The following ASTN2 variants were observed in gnomAD, a reference collection of about 807,000 sequenced individuals.
ASTN2 encodes the protein astrotactin 2, also known as astrotactin-2.
In ASTN2, 54 loss-of-function variants were observed where a neutral mutation model predicts 139.8. The observed-to-expected ratio is 0.39, with a 90% confidence interval of 0.31 to 0.48. The LOEUF is 0.48. Ranked by LOEUF, ASTN2 falls within the 20% of genes least tolerant of loss-of-function variation. The probability of loss-of-function intolerance (pLI) is 0.95; values close to 1 mark genes in which losing one functional copy is unlikely to be tolerated. For synonymous variants in ASTN2, 756 were observed against 719.5 expected (o/e 1.05, Z -0.81); for missense variants, 1,565 against 1,725.1 (o/e 0.91, Z 1.64).
rs1438670456 is a variant in ASTN2 at position 117,068,687 on chromosome 9, C to G, written c.1276+27357G>C. ...ATTGATTATTGCCACAATTTCAGCTCCTGTTATTGGTCTATTCAGAGATTC... is the reference window on the plus strand; with the variant it reads ...ATTGATTATTGCCACAATTTCAGCTGCTGTTATTGGTCTATTCAGAGATTC... On this transcript the variant is annotated intron_variant, in intron 5 of 22. Coordinates refer to ENST00000313400, the MANE Select transcript of ASTN2 (RefSeq NM_001365068.1). Among the ~76,000 whole-genome samples, 528 of 109,236 alleles carry G rather than the reference C, an allele frequency of 4.8e-3. 69 individuals are homozygous for G. Among genetic ancestry groups the G allele is most frequent in the African/African-American group, 0.019 (506 of 26,618 alleles). The allele number at this position is 109,236 out of a possible 152,430, so 71.7% of individuals were successfully genotyped here.
chr9:117,031,963 T>A (rs1392814632), intron 6 of ASTN2, among the ~76,000 whole-genome samples: 1 of 152,216 alleles, frequency 6.6e-6, no homozygotes, highest in African/African-American at 2.4e-5. Flanking sequence ...ATTTTCATTG[T>A]AAAAGATGGC....
intron 20 of ASTN2, among the ~76,000 whole-genome samples, chr9:116,465,970 AT>A (rs80222620): frequency 1.5e-5 from 1 of 68,690 alleles, no homozygotes; most frequent in Non-Finnish European, 3.3e-5. Flanking sequence ...TCCATACTTT[AT>A]TTTATTTCAG....
At chr9:116,994,769 C>A (rs181521236) in intron 7 of ASTN2, among the ~76,000 whole-genome samples, 1 of 152,292 alleles carries the variant, frequency 6.6e-6, no homozygotes, top group Admixed American at 6.5e-5. Flanking sequence ...CTTCCACCCC[C>A]ACCAGAGGAA....
intron 13 of ASTN2, among the ~76,000 whole-genome samples, chr9:116,778,647 T>C (rs781325065): frequency 4.6e-5 from 7 of 152,140 alleles, no homozygotes; most frequent in Non-Finnish European, 8.8e-5. Context: ...CTCCTTCCAC[T>C]TGCACAAGGA....
At chr9:117,199,912 G>C (rs947444646) in intron 3 of ASTN2, among the ~76,000 whole-genome samples, 1 of 151,814 alleles carries the variant, frequency 6.6e-6, no homozygotes, top group Non-Finnish European at 1.5e-5. Flanking sequence ...TTTTTGAATG[G>C]GAGTTCATTC....
At chr9:117,067,091 T>C (rs1366311023) in intron 5 of ASTN2, among the ~76,000 whole-genome samples, 1 of 74,872 alleles carries the variant, frequency 1.3e-5, no homozygotes, top group African/African-American at 4.7e-5. Context: ...CATGCCTATG[T>C]CCTGAATGGT....
intron 13 of ASTN2, among the ~76,000 whole-genome samples, chr9:116,761,177 C>A (rs146607869): frequency 0.027 from 4,147 of 152,310 alleles, 67 homozygotes; most frequent in Middle Eastern, 0.082. Flanking sequence ...TCCCTCTGCC[C>A]TTCCACTCAT....
intron 2 of ASTN2, among the ~76,000 whole-genome samples, chr9:117,279,840 G>A (rs1315161041): frequency 1.3e-5 from 2 of 152,084 alleles, no homozygotes; most frequent in African/African-American, 4.8e-5. Context: ...GGTAGCTCTT[G>A]GTTTTCCTTG....
intron 4 of ASTN2, among the ~76,000 whole-genome samples, chr9:117,100,134 A>G (rs1163846451): frequency 6.6e-6 from 1 of 152,220 alleles, no homozygotes; most frequent in African/African-American, 2.4e-5. Flanking sequence ...AATCAGGCTT[A>G]GCAAGATCTT....
rs550424974 is a variant in ASTN2, at chr9:117,262,215, A to G, written c.630+29111T>C. On this transcript the variant is annotated intron_variant, in intron 2 of 22. Transcript: ENST00000313400. ...GTGTGGGTATACGGGAGAAAGGAGG[A>G]GGCCACACCATTACCATCACATGAT... is the stretch of plus-strand genomic sequence containing the variant. Among the ~76,000 whole-genome samples, 3 of 152,166 alleles carry G rather than the reference A, an allele frequency of 2.0e-5. No homozygotes were observed. The South Asian group carries it at 6.2e-4, about 32-fold the overall frequency.
At chr9:117,310,509 G>A (rs1050782893) in intron 1 of ASTN2, among the ~76,000 whole-genome samples, 5 of 152,210 alleles carry the variant, frequency 3.3e-5, no homozygotes, top group Admixed American at 2.6e-4. Flanking sequence ...ATGTCATGGA[G>A]TTTTAAGTCT....
chr9:116,945,454 G>T (rs1477120351), intron 10 of ASTN2, among the ~76,000 whole-genome samples: 1 of 152,170 alleles, frequency 6.6e-6, no homozygotes, highest in Non-Finnish European at 1.5e-5. Context: ...AGAGGGTAGG[G>T]AAGGGCAGGA....
intron 17 of ASTN2, among the ~76,000 whole-genome samples, chr9:116,633,678 G>A (rs542009610): frequency 7.2e-5 from 11 of 152,258 alleles, no homozygotes; most frequent in African/African-American, 2.6e-4. Context: ...GGCCACTGAT[G>A]ATTTCATTTT....
At chr9:117,345,195 A>G (rs1829178541) in intron 1 of ASTN2, among the ~76,000 whole-genome samples, 1 of 152,146 alleles carries the variant, frequency 6.6e-6, no homozygotes, top group African/African-American at 2.4e-5. Flanking sequence ...CTTGCTACTC[A>G]TGCTTTGTTT....
chr9:117,091,316 G>A (rs1828700072), intron 5 of ASTN2, among the ~76,000 whole-genome samples: 1 of 152,120 alleles, frequency 6.6e-6, no homozygotes, highest in Non-Finnish European at 1.5e-5. Context: ...CCTACTATGA[G>A]CCCATCCCCC....
intron 19 of ASTN2, among the ~76,000 whole-genome samples, chr9:116,569,789 T>G (rs879896401): frequency 6.6e-6 from 1 of 152,184 alleles, no homozygotes; most frequent in African/African-American, 2.4e-5. Context: ...ACTTTGGGAA[T>G]CAGCATATTG....
Position 116,759,960 on chromosome 9 carries a change from TATG to T in ASTN2, c.2397-26440_2397-26438del, listed in dbSNP as rs542794777. ...AGTTAAATATCCGTTTAATGTCAGA[TATG>T]ATCTTTCTCTTGCAGGACCCTGGTT... On this transcript the variant is annotated intron_variant, in intron 13 of 22. Coordinates refer to ENST00000313400, the MANE Select transcript of ASTN2 (RefSeq NM_001365068.1). Among the ~76,000 whole-genome samples, 206 of 152,318 alleles carry T rather than the reference TATG, an allele frequency of 1.4e-3. 1 individual carries two copies. Among genetic ancestry groups the T allele is most frequent in the African/African-American group, 4.8e-3 (201 of 41,574 alleles).
At chr9:117,244,575 G>T (rs1231880608) in intron 2 of ASTN2, among the ~76,000 whole-genome samples, 1 of 6,650 alleles carries the variant, frequency 1.5e-4, no homozygotes, top group African/African-American at 2.0e-4. Flanking sequence ...GGAAGGAAGG[G>T]AGGGAGGGAG....
intron 16 of ASTN2, among the ~76,000 whole-genome samples, chr9:116,662,814 G>A (rs1858638111): frequency 6.6e-6 from 1 of 152,074 alleles, no homozygotes; most frequent in Non-Finnish European, 1.5e-5. Context: ...GGATCTCATG[G>A]AATCCTCACA....
Sources: gnomAD v4.1 joint callset for allele counts (sites outside exome capture counted in the v4.1 genomes callset) on GRCh38, gnomAD v4.1.1 for gene constraint, MANE v1.5 for transcripts, NCBI Gene and HGNC (gene_info 2026-07-23, HGNC 2026-07-21) for gene names.